Variants in RYR2 observed in about 807,000 individuals in gnomAD.
RYR2 encodes the protein ryanodine receptor 2.
RYR2 carries 227 observed loss-of-function variants against 601.1 expected under a neutral mutation model. That is an observed-to-expected ratio of 0.38 (90% CI 0.34 to 0.42). RYR2 has a LOEUF of 0.42. Among genes scored for constraint, RYR2 ranks in the 10% least tolerant of loss-of-function variants. RYR2 has a pLI of 1.00. For synonymous variants in RYR2, 2,223 were observed against 2,175.1 expected (o/e 1.02, Z -0.61); for missense variants, 4,646 against 6,156.5 (o/e 0.75, Z 8.21).
chr1:237,462,192 G>A (rs368222380), intron 16 of RYR2, among the ~76,000 whole-genome samples: 8 of 152,054 alleles, frequency 5.3e-5, no homozygotes, highest in African/African-American at 1.7e-4. Flanking sequence ...TTCGAAATAG[G>A]TAGACCATAG....
At chr1:237,414,340 GGTCTA>G (rs575371653) in intron 10 of RYR2, among the ~76,000 whole-genome samples, 90 of 152,178 alleles carry the variant, frequency 5.9e-4, no homozygotes, top group Non-Finnish European at 1.1e-3. Flanking sequence ...TGAAATAATG[GGTCTA>G]GTCAAGTGGT....
At chr1:237,593,776 GT>G in intron 33 of RYR2, 140 bp downstream of exon 33, 1 of 892,616 alleles carries the variant, frequency 1.1e-6, no homozygotes, top group Non-Finnish European at 1.7e-6. Flanking sequence ...TGTCAATGTC[GT>G]TTTTGTTATT....
chr1:237,567,894 A>G (rs1330927516), intron 28 of RYR2, among the ~76,000 whole-genome samples: 5 of 147,504 alleles, frequency 3.4e-5, no homozygotes, highest in African/African-American at 1.2e-4. Flanking sequence ...TGACCCACTT[A>G]GTTTTGAAAC....
chr1:237,684,791 T>TAAG (rs1476742911), intron 62 of RYR2, among the ~76,000 whole-genome samples: 43 of 147,848 alleles, frequency 2.9e-4, no homozygotes, highest in Admixed American at 6.0e-4. Flanking sequence ...ATATATATAA[T>TAAG]GCTTGAAGCT....
chr1:237,683,361 G>A (rs1465607560), intron 62 of RYR2, among the ~76,000 whole-genome samples: 2 of 152,132 alleles, frequency 1.3e-5, no homozygotes, highest in Admixed American at 6.5e-5. Flanking sequence ...CAGTACTGTC[G>A]TGTCTGGAGT....
intron 17 of RYR2, among the ~76,000 whole-genome samples, chr1:237,490,764 T>C (rs929659258): frequency 1.3e-5 from 2 of 152,250 alleles, no homozygotes; most frequent in African/African-American, 2.4e-5. Flanking sequence ...TTGTAATGGA[T>C]TGGGGCTTGG....
chr1:237,782,057 G>A (rs976112218), intron 89 of RYR2, among the ~76,000 whole-genome samples: 2 of 152,020 alleles, frequency 1.3e-5, no homozygotes, highest in Non-Finnish European at 2.9e-5. Context: ...TCTTAAAGCC[G>A]TGGCACTGCT....
chr1:237,136,507 C>A lies in RYR2; in HGVS notation c.48+93938C>A, dbSNP rs111263318. On this transcript the variant is annotated intron_variant, in intron 1 of 104. Coordinates refer to ENST00000366574, the MANE Select transcript of RYR2 (RefSeq NM_001035.3). ...TCCCAACCAGCATGTGAAGAACACACCCTGCCTCCTCCAGCAGGACTCAGA... is the reference window on the plus strand; with the variant it reads ...TCCCAACCAGCATGTGAAGAACACAACCTGCCTCCTCCAGCAGGACTCAGA... Among the ~76,000 whole-genome samples, 306 of 152,300 alleles carry A rather than the reference C, an allele frequency of 2.0e-3. 2 individuals carry two copies. The highest frequency in any genetic ancestry group is 7.1e-3 in the African/African-American group (294 of 41,554).
intron 100 of RYR2, among the ~76,000 whole-genome samples, chr1:237,811,913 T>G (rs561662265): frequency 3.1e-4 from 47 of 152,348 alleles, no homozygotes; most frequent in Non-Finnish European, 3.1e-4. Context: ...TGTTCATGGT[T>G]GTTCATCCAT....
intron 1 of RYR2, among the ~76,000 whole-genome samples, chr1:237,119,150 A>G (rs2148636214): frequency 6.6e-6 from 1 of 152,294 alleles, no homozygotes; most frequent in Non-Finnish European, 1.5e-5. Context: ...TCTTAATCCA[A>G]TAGACTGGTG....
At chr1:237,661,491 A>G (rs1352967366) in intron 56 of RYR2, among the ~76,000 whole-genome samples, 1 of 152,190 alleles carries the variant, frequency 6.6e-6, no homozygotes, top group Non-Finnish European at 1.5e-5. Context: ...AACTTAAAGT[A>G]TAATAAAAAA....
At chr1:237,481,404 G>A (rs541887107) in intron 17 of RYR2, among the ~76,000 whole-genome samples, 1 of 152,164 alleles carries the variant, frequency 6.6e-6, no homozygotes, top group East Asian at 1.9e-4. Context: ...CCGGCTCAGT[G>A]GTGATTCAGT....
intron 66 of RYR2, 52 bp from the exon 67 acceptor site, chr1:237,705,161 T>C: frequency 6.5e-7 from 1 of 1,535,628 alleles, no homozygotes; most frequent in African/African-American, 1.4e-5. Flanking sequence ...AATATGACTT[T>C]TTTAGTTACT....
At position 237,783,735 on chromosome 1, in the gene RYR2, A is replaced by C; in HGVS notation, c.12023A>C (p.Asn4008Thr). The C allele has an allele frequency of 2.5e-6, 4 of 1,612,542 alleles. No homozygotes were observed. The Middle Eastern group carries it at 6.6e-4, about 266-fold the overall frequency. Residue 4008 changes from asparagine to threonine, a missense_variant, in exon 90 of 105, where the codon AAC becomes ACC. This residue lies in a region of RYR2 where 90 missense variants were observed against 213.3 expected (regional missense o/e 0.42). Transcript: ENST00000366574. ...QMVDMLVESS[N>T]NVEMILKFFD... Reference sequence around the variant, plus strand: ...GTGGATATGCTTGTGGAATCTTCCAACAACGTGGAGATGATTCTCAAATTT... The same window carrying C: ...GTGGATATGCTTGTGGAATCTTCCACCAACGTGGAGATGATTCTCAAATTT...
intron 2 of RYR2, among the ~76,000 whole-genome samples, chr1:237,309,771 T>C (rs560398629): frequency 1.3e-5 from 2 of 152,242 alleles, no homozygotes; most frequent in Admixed American, 1.3e-4. Flanking sequence ...TGCCCTGCCC[T>C]GCGGGGAGGC....
intron 2 of RYR2, among the ~76,000 whole-genome samples, chr1:237,285,124 G>A (rs1191022901): frequency 2.6e-5 from 4 of 152,108 alleles, no homozygotes; most frequent in African/African-American, 4.8e-5. Context: ...CAGATGGAAT[G>A]CTTTCAACTT....
In RYR2 at chr1:237,627,962, A is replaced by G. The variant is rs2148667315; in HGVS notation, c.6322A>G (p.Ile2108Val). The change falls in exon 41 of 105, where the codon ATA (isoleucine) becomes GTA (valine). Residue 2108 changes from isoleucine (I) to valine (V), a missense_variant. Ile to Val is a conservative substitution (Grantham distance 29). Coordinates refer to ENST00000366574, the MANE Select transcript of RYR2 (RefSeq NM_001035.3). ...LVRALPKTYT[I>V]NGVSVEDTIN... ...TCGGGCCCTGCCAAAGACCTACACG[A>G]TAAATGGTGTGTCCGTGGAGGACAC... The G allele has an allele frequency of 6.2e-7, 1 of 1,613,920 alleles. No individual in the cohort carries two copies. The highest frequency in any genetic ancestry group is 8.5e-7 in the Non-Finnish European group (1 of 1,179,884).
At chr1:237,447,153 A>T (rs978592710) in intron 14 of RYR2, among the ~76,000 whole-genome samples, 5 of 152,322 alleles carry the variant, frequency 3.3e-5, no homozygotes, top group Admixed American at 2.6e-4. Context: ...ATTCAGTGGC[A>T]CTGCAGAGAT....
At chr1:237,794,972 A>G (rs1049357718) in intron 95 of RYR2, among the ~76,000 whole-genome samples, 1 of 152,238 alleles carries the variant, frequency 6.6e-6, no homozygotes, top group African/African-American at 2.4e-5. Context: ...TTTAAAGGCA[A>G]TTGATAAACA....
Sources: allele counts gnomAD v4.1 joint callset (sites outside exome capture counted in the v4.1 genomes callset), GRCh38; gene constraint gnomAD v4.1.1; regional missense constraint gnomAD v4.1.1; transcripts MANE v1.5; gene names NCBI Gene and HGNC (gene_info 2026-07-23, HGNC 2026-07-21).